The following CAMK2D variants were observed in gnomAD, a reference collection of about 807,000 sequenced individuals.
CAMK2D encodes the protein calcium/calmodulin dependent protein kinase II delta.
A neutral mutation model predicts 84.0 loss-of-function variants in CAMK2D; 37 were observed. The ratio of observed to expected loss-of-function variants is 0.44; its 90% CI spans 0.34 to 0.58. CAMK2D has a LOEUF of 0.58. CAMK2D is among the 20% of genes least tolerant of loss of function. The pLI is 0.02. For synonymous variants in CAMK2D, 202 were observed against 212.5 expected, an observed-to-expected ratio of 0.95 and a Z score of 0.43; for missense variants, 448 against 652.5, an observed-to-expected ratio of 0.69 and a Z score of 3.41.
At chr4:113,651,497 A>C (rs374821417) in intron 3 of CAMK2D, among the ~76,000 whole-genome samples, 15 of 152,292 alleles carry the variant, frequency 9.8e-5, no homozygotes, top group East Asian at 3.9e-4. Flanking sequence ...TTGAACTCTA[A>C]AGTACACTTT....
chr4:113,496,143 A>G (rs1257652358), intron 16 of CAMK2D, among the ~76,000 whole-genome samples: 1 of 152,166 alleles, frequency 6.6e-6, no homozygotes, highest in Admixed American at 6.5e-5. Context: ...CTACTGCTAC[A>G]CATCACTGAC....
chr4:113,567,801 A>G (rs1452726737), intron 4 of CAMK2D, among the ~76,000 whole-genome samples: 2 of 152,228 alleles, frequency 1.3e-5, no homozygotes, highest in Non-Finnish European at 2.9e-5. Flanking sequence ...ATGTAAAATT[A>G]AAGAGCTAAA....
chr4:113,710,408 C>T (rs567889759), intron 2 of CAMK2D, among the ~76,000 whole-genome samples: 10 of 152,232 alleles, frequency 6.6e-5, no homozygotes, highest in African/African-American at 2.4e-4. Context: ...GCTCCTAGGA[C>T]TATCTGAGAC....
At chr4:113,709,754 T>G (rs72617773) in intron 2 of CAMK2D, among the ~76,000 whole-genome samples, 7 of 91,656 alleles carry the variant, frequency 7.6e-5, no homozygotes, top group Non-Finnish European at 1.2e-4. Flanking sequence ...ACGATATATA[T>G]ATATATATAT....
chr4:113,568,116 T>C (rs1348978848), intron 4 of CAMK2D, among the ~76,000 whole-genome samples: 1 of 152,194 alleles, frequency 6.6e-6, no homozygotes, highest in Non-Finnish European at 1.5e-5. Context: ...CGATGAAATT[T>C]ACTCCTTAAA....
At chr4:113,462,266 ATGTGTGTGTGTGTGTGTG>A (rs143654780) in intron 17 of CAMK2D, among the ~76,000 whole-genome samples, 13 of 109,868 alleles carry the variant, frequency 1.2e-4, no homozygotes, top group South Asian at 3.6e-4. Flanking sequence ...ATATTTGGAA[ATGTGTGTGTGTGTGTGTG>A]TGTGTGTGTG....
chr4:113,680,984 A>T (rs551745038), intron 2 of CAMK2D, among the ~76,000 whole-genome samples: 1 of 152,236 alleles, frequency 6.6e-6, no homozygotes, highest in Non-Finnish European at 1.5e-5. Flanking sequence ...AGAATGAAGT[A>T]CAAAAGGATT....
intron 2 of CAMK2D, among the ~76,000 whole-genome samples, chr4:113,730,926 A>C (rs72678797): frequency 0.037 from 5,590 of 152,348 alleles, 131 homozygotes; most frequent in Middle Eastern, 0.11. Context: ...TATAGGACTT[A>C]CCACTGAACT....
At chr4:113,699,601 A>C (rs978682423) in intron 2 of CAMK2D, among the ~76,000 whole-genome samples, 1 of 152,188 alleles carries the variant, frequency 6.6e-6, no homozygotes, top group South Asian at 2.1e-4. Context: ...CAAGAAAAAT[A>C]ATCAGATCAG....
At chr4:113,673,785 C>A (rs1475816140) in intron 2 of CAMK2D, among the ~76,000 whole-genome samples, 1 of 152,176 alleles carries the variant, frequency 6.6e-6, no homozygotes, top group Non-Finnish European at 1.5e-5. Context: ...ACAGGCCCAA[C>A]CTGAGGTAAG....
chr4:113,578,742 A>G (rs1385021104), intron 4 of CAMK2D, among the ~76,000 whole-genome samples: 4 of 152,138 alleles, frequency 2.6e-5, no homozygotes, highest in Non-Finnish European at 5.9e-5. Flanking sequence ...TTCTTCCCCT[A>G]AACACTTGCA....
intron 5 of CAMK2D, 147 bp from the exon 6 acceptor site, chr4:113,547,863 A>C (rs2098595004): frequency 2.1e-6 from 1 of 472,144 alleles, no homozygotes; most frequent in South Asian, 4.0e-5. Context: ...ATATTGCTCA[A>C]GTAGAGTGAC....
intron 16 of CAMK2D, among the ~76,000 whole-genome samples, chr4:113,472,449 T>C (rs541987870): frequency 6.6e-6 from 1 of 152,362 alleles, no homozygotes; most frequent in East Asian, 1.9e-4. Flanking sequence ...AGATTTAATC[T>C]TAAAAGTTTA....
At chr4:113,675,042 C>G (rs750923719) in intron 2 of CAMK2D, among the ~76,000 whole-genome samples, 5 of 152,174 alleles carry the variant, frequency 3.3e-5, no homozygotes, top group Non-Finnish European at 7.4e-5. Flanking sequence ...CGTGCATATT[C>G]CATCTTTGAC....
chr4:113,606,402 G>A lies in CAMK2D; in HGVS notation c.275+2750C>T, dbSNP rs148948525. Among the ~76,000 whole-genome samples, 590 of 151,944 alleles carry A rather than the reference G, an allele frequency of 3.9e-3. 1 individual carries two copies. Among genetic ancestry groups the A allele is most frequent in the African/African-American group, 0.013 (553 of 41,448 alleles). On this transcript the variant is annotated intron_variant, in intron 4 of 20. Coordinates refer to ENST00000511664, the MANE Select transcript of CAMK2D (RefSeq NM_001321571.2). ...GGAGAATCGCTTGAACCCAGGAGGC[G>A]GCGGTTGCAGTGAGCAGAGATCGCG...
intron 10 of CAMK2D, among the ~76,000 whole-genome samples, chr4:113,514,475 CTTTAT>C (rs1379667509): frequency 2.0e-5 from 3 of 152,122 alleles, no homozygotes; most frequent in South Asian, 2.1e-4. Flanking sequence ...CTCAAATTAT[CTTTAT>C]TTTAATGTCT....
At chr4:113,592,589 T>C (rs2098895244) in intron 4 of CAMK2D, among the ~76,000 whole-genome samples, 1 of 152,206 alleles carries the variant, frequency 6.6e-6, no homozygotes, top group African/African-American at 2.4e-5. Flanking sequence ...CTTTAATGCC[T>C]CAACATCAAA....
At chr4:113,734,237 A>T (rs913859562) in intron 2 of CAMK2D, among the ~76,000 whole-genome samples, 30 of 152,316 alleles carry the variant, frequency 2.0e-4, no homozygotes, top group Admixed American at 2.0e-3. Context: ...GTTGGTTACA[A>T]GAGATTAGTT....
At chr4:113,610,408 C>A (rs1317404855) in intron 3 of CAMK2D, among the ~76,000 whole-genome samples, 1 of 152,154 alleles carries the variant, frequency 6.6e-6, no homozygotes, top group Non-Finnish European at 1.5e-5. Flanking sequence ...CTGATGACCA[C>A]CACATGGAAA....
Sources: gnomAD v4.1 joint callset for allele counts (sites outside exome capture counted in the v4.1 genomes callset) on GRCh38, gnomAD v4.1.1 for gene constraint, MANE v1.5 for transcripts, NCBI Gene and HGNC (gene_info 2026-07-23, HGNC 2026-07-21) for gene names.